Variants in MYO1D observed in about 807,000 individuals in gnomAD.
MYO1D encodes myosin ID.
In MYO1D, 83 loss-of-function variants were observed where a neutral mutation model predicts 122.0. The ratio of observed to expected loss-of-function variants is 0.68; its 90% CI spans 0.57 to 0.82. The LOEUF is 0.82. MYO1D is among the 40% of genes least tolerant of loss of function. The probability of loss-of-function intolerance (pLI) is 0.00; values close to 1 mark genes in which losing one functional copy is unlikely to be tolerated. For missense variants in MYO1D, 1,157 were observed against 1,269.5 expected (o/e 0.91, Z 1.35); for synonymous variants, 464 against 446.9 (o/e 1.04, Z -0.48).
intron 20 of MYO1D, among the ~76,000 whole-genome samples, chr17:32,638,441 C>CATT (rs1230953331): frequency 6.6e-6 from 1 of 152,158 alleles, no homozygotes; most frequent in African/African-American, 2.4e-5. Context: ...TAAGAAAATG[C>CATT]ATTATACGCC....
chr17:32,595,710 T>C (rs1220469628), intron 21 of MYO1D, among the ~76,000 whole-genome samples: 1 of 152,180 alleles, frequency 6.6e-6, no homozygotes, highest in Non-Finnish European at 1.5e-5. Context: ...CAGCACTGTT[T>C]TGGGCACTAG....
chr17:32,505,988 G>A (rs1266154190), intron 21 of MYO1D, among the ~76,000 whole-genome samples: 1 of 152,222 alleles, frequency 6.6e-6, no homozygotes, highest in Non-Finnish European at 1.5e-5. Flanking sequence ...GGAGGCCAAG[G>A]TGGGAGGACC....
chr17:32,598,772 TA>T (rs1380713670), intron 21 of MYO1D, among the ~76,000 whole-genome samples: 1 of 152,228 alleles, frequency 6.6e-6, no homozygotes, highest in Non-Finnish European at 1.5e-5. Context: ...ATATTTTAAT[TA>T]AAAACAATAA....
intron 1 of MYO1D, among the ~76,000 whole-genome samples, chr17:32,797,090 C>G (rs2090423201): frequency 6.6e-6 from 1 of 152,090 alleles, no homozygotes; most frequent in African/African-American, 2.4e-5. Context: ...CCTGCCTCAG[C>G]CTCCCAAGTA....
intron 21 of MYO1D, among the ~76,000 whole-genome samples, chr17:32,512,099 G>C (rs1031298477): frequency 6.6e-6 from 1 of 152,078 alleles, no homozygotes; most frequent in Non-Finnish European, 1.5e-5. Context: ...TCAGGTGTTC[G>C]AGACCAGACG....
chr17:32,610,823 G>T (rs932983964), intron 20 of MYO1D, among the ~76,000 whole-genome samples: 1 of 152,130 alleles, frequency 6.6e-6, no homozygotes, highest in African/African-American at 2.4e-5. Context: ...GCTGGGGAAG[G>T]GGTCACTACC....
At chr17:32,542,963 A>G (rs1910885638) in intron 21 of MYO1D, among the ~76,000 whole-genome samples, 1 of 152,200 alleles carries the variant, frequency 6.6e-6, no homozygotes, top group Non-Finnish European at 1.5e-5. Context: ...ACGGTGGCTC[A>G]CACCTGTAAT....
In MYO1D at chr17:32,494,891, G is replaced by A. The variant is rs762553386; in HGVS notation, c.2889C>T (p.Asn963=). The change falls in exon 22 of 22, where the codon AAC becomes AAT. Residue 963 remains asparagine (N), a synonymous_variant. Transcript: ENST00000318217. ...FKSEKRHLQV[N]VTNPVQCSLH... is the part of the protein sequence containing the mutation. ...GGCTGCACTGTACTGGGTTGGTGAC[G>A]TTCACTTGAAGGTGGCGCTTCTCAC... 2.8e-5 allele frequency: 45 copies of A among 1,605,006 alleles called. No individual in the cohort carries two copies. Among genetic ancestry groups the A allele is most frequent in the South Asian group, 1.8e-4 (16 of 90,404 alleles).
intron 21 of MYO1D, among the ~76,000 whole-genome samples, chr17:32,602,915 A>G (rs1246950536): frequency 6.6e-6 from 1 of 152,200 alleles, no homozygotes; most frequent in South Asian, 2.1e-4. Flanking sequence ...AGCTAGAAAA[A>G]ATCAAATTAA....
At chr17:32,624,796 T>C (rs1422907975) in intron 20 of MYO1D, among the ~76,000 whole-genome samples, 1 of 151,534 alleles carries the variant, frequency 6.6e-6, no homozygotes, top group Non-Finnish European at 1.5e-5. Context: ...CTTTTTTTTT[T>C]TTTTCTTCTT....
intron 10 of MYO1D, among the ~76,000 whole-genome samples, chr17:32,759,204 T>C (rs73281856): frequency 0.038 from 5,859 of 152,192 alleles, 375 homozygotes; most frequent in African/African-American, 0.13. Flanking sequence ...TTATATAAAA[T>C]AGCCCTTTGG....
At chr17:32,581,279 T>C (rs2087336115) in intron 21 of MYO1D, among the ~76,000 whole-genome samples, 2 of 152,188 alleles carry the variant, frequency 1.3e-5, no homozygotes, top group Non-Finnish European at 2.9e-5. Context: ...AGAATTTGTA[T>C]TGATGTCACA....
rs991330882 is a variant in MYO1D, at chr17:32,676,821, T to A, written c.2122-17483A>T. On this transcript the variant is annotated intron_variant, in intron 16 of 21. Transcript: ENST00000318217. ...TGTTTTATGAAAAATAGAATTTTTT[T>A]TTTTTTTGAGACGGAGTCTTGCTCT... Among the ~76,000 whole-genome samples, 3 of 152,120 alleles carry A rather than the reference T, an allele frequency of 2.0e-5. No homozygotes were observed. The South Asian group carries it at 6.2e-4, about 32-fold the overall frequency.
chr17:32,614,072 A>ATTTTTTTTTTTTTTTTTTTTTTT (rs527897976), intron 20 of MYO1D, among the ~76,000 whole-genome samples: 2 of 126,624 alleles, frequency 1.6e-5, no homozygotes, highest in Non-Finnish European at 1.6e-5. Flanking sequence ...TAATGTTTTA[A>ATTTTTTTTTTTTTTTTTTTTTTT]TTTTTTTTTT....
intron 10 of MYO1D, chr17:32,759,840 T>A (rs1334877071): frequency 2.5e-6 from 1 of 402,060 alleles, no homozygotes; most frequent in Non-Finnish European, 4.4e-6. Flanking sequence ...TTTTAATGTG[T>A]AGGTTTCAGA....
chr17:32,650,432 A>G (rs1256503233), intron 19 of MYO1D, among the ~76,000 whole-genome samples: 1 of 152,208 alleles, frequency 6.6e-6, no homozygotes, highest in Non-Finnish European at 1.5e-5. Flanking sequence ...TGTGCATTTA[A>G]CATTTCATCA....
intron 21 of MYO1D, among the ~76,000 whole-genome samples, chr17:32,528,326 G>A (rs989621251): frequency 7.9e-5 from 12 of 152,190 alleles, no homozygotes; most frequent in Admixed American, 1.3e-4. Context: ...CTGCTTTGCA[G>A]GTGGGAGAGG....
intron 5 of MYO1D, among the ~76,000 whole-genome samples, chr17:32,772,356 A>T (rs888744246): frequency 4.6e-5 from 7 of 152,224 alleles, no homozygotes; most frequent in African/African-American, 1.7e-4. Context: ...AAAAGTAATC[A>T]TATTGCTTTT....
intron 15 of MYO1D, among the ~76,000 whole-genome samples, chr17:32,713,282 C>T (rs1052106355): frequency 5.3e-5 from 8 of 151,980 alleles, no homozygotes; most frequent in Non-Finnish European, 1.2e-4. Flanking sequence ...CTAGCTGTTC[C>T]AACACTATTA....
Sources: gnomAD v4.1 joint callset for allele counts (sites outside exome capture counted in the v4.1 genomes callset) on GRCh38, gnomAD v4.1.1 for gene constraint, MANE v1.5 for transcripts, NCBI Gene and HGNC (gene_info 2026-07-23, HGNC 2026-07-21) for gene names.